The following BMPER variants were observed in gnomAD, a reference collection of about 807,000 sequenced individuals.
BMPER encodes BMP-binding endothelial regulator protein.
BMPER carries 45 observed loss-of-function variants against 87.3 expected under a neutral mutation model. The observed-to-expected ratio is 0.52, with a 90% CI of 0.41 to 0.66. The LOEUF is 0.66. Among genes scored for constraint, BMPER ranks in the 30% least tolerant of loss-of-function variants. The pLI, the probability that BMPER is intolerant of heterozygous loss-of-function variation, is 0.00. For missense variants in BMPER, 784 were observed against 867.5 expected, an observed-to-expected ratio of 0.90 and a Z score of 1.21; for synonymous variants, 326 against 316.2, an observed-to-expected ratio of 1.03 and a Z score of -0.33.
At chr7:33,995,838 C>T (rs1786395686) in intron 6 of BMPER, among the ~76,000 whole-genome samples, 1 of 152,214 alleles carries the variant, frequency 6.6e-6, no homozygotes, top group African/African-American at 2.4e-5. Context: ...GGCCACCTCA[C>T]AAGTTCCATA....
chr7:34,104,931 A>G (rs1195280469), intron 13 of BMPER, among the ~76,000 whole-genome samples: 2 of 152,148 alleles, frequency 1.3e-5, no homozygotes, highest in East Asian at 1.9e-4. Flanking sequence ...TCAGAGCTAA[A>G]TGATTCCCAG....
intron 6 of BMPER, among the ~76,000 whole-genome samples, chr7:34,002,872 C>A (rs1786619607): frequency 6.6e-6 from 1 of 151,258 alleles, no homozygotes; most frequent in Non-Finnish European, 1.5e-5. Flanking sequence ...TTCTTCTATC[C>A]TTTTACTTTC....
At chr7:33,977,056 C>T (rs937395299) in intron 6 of BMPER, among the ~76,000 whole-genome samples, 6 of 152,082 alleles carry the variant, frequency 3.9e-5, no homozygotes, top group Non-Finnish European at 8.8e-5. Context: ...ATTATGTTCC[C>T]GATATCAGCC....
chr7:34,034,125 C>G (rs1787601344), intron 6 of BMPER, among the ~76,000 whole-genome samples: 1 of 152,134 alleles, frequency 6.6e-6, no homozygotes, highest in African/African-American at 2.4e-5. Context: ...AGGTGCTACT[C>G]CCTTCTGGCG....
chr7:33,951,051 C>CT (rs540716363), intron 3 of BMPER, among the ~76,000 whole-genome samples: 3,869 of 141,742 alleles, frequency 0.027, 130 homozygotes, highest in East Asian at 0.16. Flanking sequence ...CCTGGTGGGA[C>CT]TTTTTTTTTT....
chr7:34,141,058 C>T (rs1466690895), intron 13 of BMPER, among the ~76,000 whole-genome samples: 25 of 152,098 alleles, frequency 1.6e-4, no homozygotes, highest in Admixed American at 1.6e-3. Flanking sequence ...CCGAAAATGT[C>T]GCTGTGAAGT....
At chr7:34,069,286 A>T (rs78577805) in intron 11 of BMPER, among the ~76,000 whole-genome samples, 1 of 152,196 alleles carries the variant, frequency 6.6e-6, no homozygotes, top group Non-Finnish European at 1.5e-5. Context: ...GAAGTACTGT[A>T]TAACTAATTA....
At chr7:33,999,514 T>C (rs1209971262) in intron 6 of BMPER, among the ~76,000 whole-genome samples, 1 of 152,250 alleles carries the variant, frequency 6.6e-6, no homozygotes, top group Non-Finnish European at 1.5e-5. Flanking sequence ...TGTATTGTTA[T>C]AGCATTTATA....
chr7:33,905,055 G>A (rs189473686), upstream of BMPER: 1,644 of 158,294 alleles, frequency 0.01, 42 homozygotes, highest in African/African-American at 0.037. Context: ...CGCCCCCAGC[G>A]GGTTCCGGGA....
chr7:33,906,851 T>C lies in BMPER; in HGVS notation c.167T>C (p.Val56Ala), dbSNP rs771286519. Residue 56 changes from valine to alanine, a missense_variant, in exon 2 of 15, where the codon GTC (valine) becomes GCC (alanine). Transcript: ENST00000649409. ...SVAKCENEGE[V>A]LQIPFITDNP... ...GCAAAATGTGAAAATGAAGGTGAAG[T>C]CCTCCAGATTCCATTTATCACAGAC... 6.2e-7 allele frequency: 1 copy of C among 1,613,786 alleles called. No homozygotes were observed. The highest frequency in any genetic ancestry group is 2.2e-5 in the East Asian group (1 of 44,852).
chr7:34,031,016 A>G (rs568239536), intron 6 of BMPER, among the ~76,000 whole-genome samples: 3 of 152,118 alleles, frequency 2.0e-5, no homozygotes, highest in Non-Finnish European at 2.9e-5. Flanking sequence ...CTTTCACGTT[A>G]GGTCAAGTCC....
chr7:34,153,367 C>A lies in BMPER; in HGVS notation c.*94C>A. ...GACTGCAGTATTTGTGTGCCCGATT[C>A]TGTAAACACACACACACAGAGTATA... On this transcript the variant is annotated 3_prime_UTR_variant, in exon 15 of 15. Transcript: ENST00000649409. 2 of 1,262,194 alleles carry A rather than the reference C, an allele frequency of 1.6e-6. No individual in the cohort carries two copies. The highest frequency in any genetic ancestry group is 2.3e-6 in the Non-Finnish European group (2 of 865,456). The allele number at this position is 1,262,194 out of a possible 1,614,324, so 78.2% of individuals were successfully genotyped here. A position where few individuals can be genotyped will look rare whatever the true frequency, so the allele number is the denominator to read the frequency against.
intron 2 of BMPER, among the ~76,000 whole-genome samples, chr7:33,932,148 A>G (rs111444428): frequency 6.6e-6 from 1 of 152,332 alleles, no homozygotes; most frequent in African/African-American, 2.4e-5. Flanking sequence ...TGGGGCATCT[A>G]TCCCAGGAAA....
chr7:34,027,755 A>C (rs1348688990), intron 6 of BMPER, among the ~76,000 whole-genome samples: 1 of 152,124 alleles, frequency 6.6e-6, no homozygotes, highest in African/African-American at 2.4e-5. Flanking sequence ...CAGTGATAAC[A>C]TTTGAGCTTT....
At chr7:34,085,074 G>T (rs1045629955) in intron 12 of BMPER, among the ~76,000 whole-genome samples, 1 of 152,164 alleles carries the variant, frequency 6.6e-6, no homozygotes, top group Non-Finnish European at 1.5e-5. Flanking sequence ...CCAGAACGGA[G>T]GCCTGAGGGA....
chr7:34,127,301 T>C (rs1467773848), intron 13 of BMPER, among the ~76,000 whole-genome samples: 6 of 152,186 alleles, frequency 3.9e-5, no homozygotes, highest in Non-Finnish European at 4.4e-5. Context: ...CTCAACCCTG[T>C]CTCCTCTCTC....
rs1219592145 is a variant in BMPER at position 33,974,111 on chromosome 7, A to ACTGTT, written c.494-591_494-590insCTGTT. On this transcript the variant is annotated intron_variant, in intron 5 of 14. Transcript: ENST00000649409. ...CAGTGCAGCAGATGGGTCAGAACTGATTTTGAATTCTAGCTCTGCCACCTG... is the reference window on the plus strand; with the variant it reads ...CAGTGCAGCAGATGGGTCAGAACTGACTGTTTTTTGAATTCTAGCTCTGCCACCTG... 2.6e-5 allele frequency among the ~76,000 whole-genome samples: 4 copies of ACTGTT among 152,214 alleles called. 1 individual carries two copies. In the South Asian group the frequency reaches 8.3e-4, roughly 32 times the overall value.
intron 13 of BMPER, among the ~76,000 whole-genome samples, chr7:34,127,453 T>G (rs187198762): frequency 1.3e-5 from 2 of 152,284 alleles, no homozygotes; most frequent in East Asian, 3.9e-4. Flanking sequence ...ACTGGCTATT[T>G]ACACCACATA....
At chr7:34,105,567 A>G (rs1041252408) in intron 13 of BMPER, among the ~76,000 whole-genome samples, 1 of 152,170 alleles carries the variant, frequency 6.6e-6, no homozygotes, top group Non-Finnish European at 1.5e-5. Context: ...AAGTCTTGTT[A>G]TTTTCCAATG....
Sources: allele counts gnomAD v4.1 joint callset (sites outside exome capture counted in the v4.1 genomes callset), GRCh38; gene constraint gnomAD v4.1.1; transcripts MANE v1.5; gene names NCBI Gene and HGNC (gene_info 2026-07-23, HGNC 2026-07-21).